Variants in PCDHGA1 observed in about 807,000 individuals in gnomAD.
PCDHGA1 encodes protocadherin gamma-A1.
Under a neutral mutation model 58.0 loss-of-function variants are expected in PCDHGA1, and 32 were observed. The ratio of observed to expected loss-of-function variants is 0.55; its 90% CI spans 0.42 to 0.74. PCDHGA1 has a LOEUF of 0.74. Among genes scored for constraint, PCDHGA1 ranks in the 30% least tolerant of loss-of-function variants. PCDHGA1 has a pLI of 0.00. For missense variants in PCDHGA1, 1,205 were observed against 1,182.3 expected, an observed-to-expected ratio of 1.02 and a Z score of -0.28; for synonymous variants, 498 against 501.1, an observed-to-expected ratio of 0.99 and a Z score of 0.08.
rs10076145 is a variant in PCDHGA1 at position 141,353,622 on chromosome 5, T to C, written c.2421+20517T>C. On this transcript the variant is annotated intron_variant, in intron 1 of 3. Coordinates refer to ENST00000517417, the MANE Select transcript of PCDHGA1 (RefSeq NM_018912.3). ...CTTAACCATTCCTAAATTATTTGTT[T>C]TTATGCTCTTTCTATTTTGTCTCTA... 4.3e-3 allele frequency among the ~76,000 whole-genome samples: 653 copies of C among 152,362 alleles called. 8 individuals carry two copies. Among genetic ancestry groups the C allele is most frequent in the African/African-American group, 0.015 (619 of 41,588 alleles).
intron 3 of PCDHGA1, among the ~76,000 whole-genome samples, chr5:141,505,976 A>G (rs911235674): frequency 1.3e-5 from 2 of 152,136 alleles, no homozygotes; most frequent in Admixed American, 1.3e-4. Context: ...CCCAGCCGAG[A>G]GAACACCTCC....
intron 1 of PCDHGA1, chr5:141,385,092 C>T (rs778613931): frequency 1.9e-6 from 3 of 1,614,210 alleles, no homozygotes; most frequent in Admixed American, 3.3e-5. Context: ...CAGAAGGTGG[C>T]TTGGCGAACG....
intron 1 of PCDHGA1, chr5:141,375,539 C>G (rs1771564723): frequency 1.2e-6 from 2 of 1,613,986 alleles, no homozygotes; most frequent in Non-Finnish European, 1.7e-6. Context: ...CCAGAACGCC[C>G]AAGTCTCCTA....
Position 141,489,764 on chromosome 5 carries a change from A to G in PCDHGA1, c.2422-5043A>G. ...GTGAGCTTTTACACTCTAAGCCCCA[A>G]CAGCCACTTCTCTCTGAATGTGAAG... is the stretch of plus-strand genomic sequence containing the variant. On this transcript the variant is annotated intron_variant, in intron 1 of 3. Transcript: ENST00000517417. The surrounding 1 kb of genome is among the most constrained non-coding windows in gnomAD (Gnocchi z 4.5). 2 of 1,613,556 alleles carry G rather than the reference A, an allele frequency of 1.2e-6. No homozygotes were observed. The highest frequency in any genetic ancestry group is 1.7e-6 in the Non-Finnish European group (2 of 1,179,894).
chr5:141,414,348 G>A (rs1390188717), intron 1 of PCDHGA1: 1 of 1,613,818 alleles, frequency 6.2e-7, no homozygotes, highest in South Asian at 1.1e-5. Flanking sequence ...GTTCCATTTT[G>A]GCGTATCTAC....
chr5:141,423,765 G>A (rs775053869), intron 1 of PCDHGA1: 11 of 233,406 alleles, frequency 4.7e-5, no homozygotes, highest in Admixed American at 1.2e-4. Context: ...GGGGGGTGGG[G>A]CGGCATATAT....
chr5:141,354,569 C>G (rs1055724310), intron 1 of PCDHGA1, among the ~76,000 whole-genome samples: 2 of 152,224 alleles, frequency 1.3e-5, no homozygotes, highest in Admixed American at 1.3e-4. Flanking sequence ...AAACTTGTTA[C>G]TGCATAAATT....
Position 141,432,390 on chromosome 5 carries a change from G to A in PCDHGA1, c.2422-62417G>A. The A allele has an allele frequency of 6.2e-7, 1 of 1,614,256 alleles. No homozygotes were observed. The highest frequency in any genetic ancestry group is 8.5e-7 in the Non-Finnish European group (1 of 1,180,046). On this transcript the variant is annotated intron_variant, in intron 1 of 3. Transcript: ENST00000517417. This position sits in a 1 kb window ranked among gnomAD's most constrained non-coding sequence, Gnocchi z 6.0. ...GACAACGGGCACCCGCCCCTCAGCA[G>A]CAACGTGTCGTTGAGCCTGTTCGTG... is the stretch of plus-strand genomic sequence containing the variant.
At chr5:141,443,820 T>A (rs1329478151) in intron 1 of PCDHGA1, among the ~76,000 whole-genome samples, 1 of 151,986 alleles carries the variant, frequency 6.6e-6, no homozygotes, top group Non-Finnish European at 1.5e-5. Context: ...TTGGAAAACA[T>A]AATTAGGTAA....
rs749543351 is a variant in PCDHGA1 at position 141,344,213 on chromosome 5, G to T, written c.2421+11108G>T. 29 of 1,614,048 alleles carry T rather than the reference G, an allele frequency of 1.8e-5. No individual in the cohort carries two copies. The South Asian group carries it at 2.9e-4, about 16-fold the overall frequency. The stretch of plus-strand genomic sequence containing the variant: ...TGGGGCTAGAGCCCCGGGAGCTGGC[G>T]GAGCGCGGAGTCCGCATCGTCTCCA... On this transcript the variant is annotated intron_variant, in intron 1 of 3. Coordinates refer to ENST00000517417, the MANE Select transcript of PCDHGA1 (RefSeq NM_018912.3).
At chr5:141,339,095 G>C (rs202028729) in intron 1 of PCDHGA1, 14 of 1,614,130 alleles carry the variant, frequency 8.7e-6, no homozygotes, top group Admixed American at 1.7e-5. Flanking sequence ...GATCGACAGA[G>C]GCTCCTTCGT....
rs766191511 is a variant in PCDHGA1, at chr5:141,432,498, G to T, written c.2422-62309G>T. ...TCCACTGGCGTGGAGCTGGCTCCCC[G>T]CTCCGCAGAGCCCGGCTACCTGGTG... On this transcript the variant is annotated intron_variant, in intron 1 of 3. Coordinates refer to ENST00000517417, the MANE Select transcript of PCDHGA1 (RefSeq NM_018912.3). The surrounding 1 kb of genome is among the most constrained non-coding windows in gnomAD (Gnocchi z 6.0). The T allele has an allele frequency of 6.2e-7, 1 of 1,614,106 alleles. No homozygotes were observed. The highest frequency in any genetic ancestry group is 8.5e-7 in the Non-Finnish European group (1 of 1,180,052).
At position 141,476,418 on chromosome 5, in the gene PCDHGA1, T is replaced by G. The variant is rs201255025; in HGVS notation, c.2422-18389T>G. ...GATCGAGAGGAGCTGTGTGGGACAC[T>G]GCCCTCTTGCACTGTAACTCTGGAG... On this transcript the variant is annotated intron_variant, in intron 1 of 3. Transcript: ENST00000517417. This position sits in a 1 kb window ranked among gnomAD's most constrained non-coding sequence, Gnocchi z 7.6. 8 of 1,614,122 alleles carry G rather than the reference T, an allele frequency of 5.0e-6. No homozygotes were observed. The highest frequency in any genetic ancestry group is 1.6e-4 in the Middle Eastern group (1 of 6,062).
In PCDHGA1 at chr5:141,332,661, G is replaced by T. The variant is rs1363227694; in HGVS notation, c.1977G>T (p.Thr659=). The stretch of plus-strand genomic sequence containing the variant: ...AGCCCCCGCTCTCCGCCACTGTCAC[G>T]CTCACCGTGGCCGTGGCCGACAGGA... ...HGQPPLSATV[T]LTVAVADRIS... The change falls in exon 1 of 4, where the codon ACG becomes ACT. Residue 659 remains threonine, a synonymous_variant. Coordinates refer to ENST00000517417, the MANE Select transcript of PCDHGA1 (RefSeq NM_018912.3). The surrounding 1 kb of genome is among the most constrained non-coding windows in gnomAD (Gnocchi z 4.6). The T allele has an allele frequency of 3.1e-6, 5 of 1,613,272 alleles. No homozygotes were observed. The highest frequency in any genetic ancestry group is 4.2e-6 in the Non-Finnish European group (5 of 1,179,836).
chr5:141,340,367 C>T lies in PCDHGA1; in HGVS notation c.2421+7262C>T, dbSNP rs1314383606. 6.2e-7 allele frequency: 1 copy of T among 1,614,170 alleles called. No individual in the cohort carries two copies. Among genetic ancestry groups the T allele is most frequent in the Admixed American group, 1.7e-5 (1 of 60,030 alleles). On this transcript the variant is annotated intron_variant, in intron 1 of 3. Coordinates refer to ENST00000517417, the MANE Select transcript of PCDHGA1 (RefSeq NM_018912.3). ...CTCCACCTACATTCCCGAAAACAAC[C>T]CCAGAGGAGCCTCTGTCTTCTCAGT...
Position 141,494,869 on chromosome 5 carries a change from G to A in PCDHGA1, c.2480+4G>A. 6.2e-7 allele frequency: 1 copy of A among 1,614,144 alleles called. No individual in the cohort carries two copies. Among genetic ancestry groups the A allele is most frequent in the Non-Finnish European group, 8.5e-7 (1 of 1,180,010 alleles). On this transcript the variant is annotated splice_donor_region_variant and intron_variant, in intron 2 of 3. Coordinates refer to ENST00000517417, the MANE Select transcript of PCDHGA1 (RefSeq NM_018912.3). The stretch of plus-strand genomic sequence containing the variant: ...CCCAGAGACCCGGCACCAGCGGGTA[G>A]GTGACTGATTCTCCAGCCCACCCTC...
intron 1 of PCDHGA1, among the ~76,000 whole-genome samples, chr5:141,458,876 G>T (rs187470646): frequency 5.0e-4 from 76 of 152,248 alleles, no homozygotes; most frequent in African/African-American, 1.7e-3. Context: ...GGGACTACAG[G>T]CATGCACACC....
rs73265825 is a variant in PCDHGA1, at chr5:141,355,769, A to C, written c.2421+22664A>C. The C allele has an allele frequency of 1.6e-3, 2,601 of 1,613,894 alleles. 36 individuals carry two copies. In the African/African-American group the frequency reaches 0.031, roughly 19 times the overall value. On this transcript the variant is annotated intron_variant, in intron 1 of 3. Transcript: ENST00000517417. ...GTGCAAAGTGGGGCCGATGGGATTA[A>C]GTACCCAGAGCTGGTGCTGGAACGC...
intron 1 of PCDHGA1, chr5:141,430,966 A>G: frequency 1.2e-6 from 2 of 1,612,916 alleles, no homozygotes. Context: ...TCATCCCCAG[A>G]GGTAGGACGC....
Sources: gnomAD v4.1 joint callset for allele counts (sites outside exome capture counted in the v4.1 genomes callset) on GRCh38, gnomAD v4.1.1 for gene constraint, Gnocchi (gnomAD v3.1) non-coding constraint, MANE v1.5 for transcripts, NCBI Gene and HGNC (gene_info 2026-07-23, HGNC 2026-07-21) for gene names.